The following ITIH1 variants were observed in gnomAD, a reference collection of about 807,000 sequenced individuals.
ITIH1 encodes inter-alpha-trypsin inhibitor heavy chain H1.
A neutral mutation model predicts 104.6 loss-of-function variants in ITIH1; 94 were observed. The ratio of observed to expected loss-of-function variants is 0.90; its 90% CI spans 0.76 to 1.07. The LOEUF is 1.07. ITIH1 is among the 50% of genes least tolerant of loss of function. The pLI is 0.00. For missense variants in ITIH1, 1,193 were observed against 1,181.4 expected, an observed-to-expected ratio of 1.01 and a Z score of -0.14; for synonymous variants, 455 against 464.4, an observed-to-expected ratio of 0.98 and a Z score of 0.26.
chr3:52,778,256 A>T (rs1698951483), intron 2 of ITIH1, 84 bp from the exon 3 acceptor site: 8 of 1,387,370 alleles, frequency 5.8e-6, no homozygotes, highest in Non-Finnish European at 7.1e-6. Flanking sequence ...CACTGGGGCT[A>T]AGTGCCAAGT....
rs1698968365 is a variant in ITIH1 at position 52,778,808 on chromosome 3, C to T, written c.306-134C>T. 5.8e-6 allele frequency: 6 copies of T among 1,038,538 alleles called. No homozygotes were observed. The South Asian group carries it at 8.9e-5, about 15-fold the overall frequency. 64.3% of individuals were successfully genotyped at this position (1,038,538 alleles called of 1,614,324 possible). A position where few individuals can be genotyped will look rare whatever the true frequency, so the allele number is the denominator to read the frequency against. On this transcript the variant is annotated intron_variant, in intron 3 of 21. Transcript: ENST00000273283. ...CTGCTCACCTCATTGCCCATGGACC[C>T]CTGAGTTCCACCATGGGCAGTGGAA...
chr3:52,791,723 T>G (rs1002006304), intron 21 of ITIH1, 59 bp from the exon 22 acceptor site: 6 of 1,606,106 alleles, frequency 3.7e-6, no homozygotes, highest in Admixed American at 1.7e-5. Context: ...GTGAGCTTCC[T>G]GGGGAGGTGC....
chr3:52,783,274 G>T lies in ITIH1; in HGVS notation c.1160G>T (p.Ser387Ile). The T allele has an allele frequency of 6.2e-7, 1 of 1,614,158 alleles. No individual in the cohort carries two copies. Among genetic ancestry groups the T allele is most frequent in the Non-Finnish European group, 8.5e-7 (1 of 1,180,026 alleles). Residue 387 changes from serine to isoleucine, a missense_variant, in exon 10 of 22, where the codon AGC (serine) becomes ATC (isoleucine). Ser to Ile is a moderately radical substitution (Grantham distance 142, BLOSUM62 -2). Coordinates refer to ENST00000273283, the MANE Select transcript of ITIH1 (RefSeq NM_002215.4). ...GIEILNQVQESLPELSNHASI... is the reference protein window; with the variant it reads ...GIEILNQVQEILPELSNHASI... ...GAGATCTTGAACCAAGTTCAGGAAA[G>T]CCTCCCAGAACTCAGCAACCATGCC...
Position 52,783,061 on chromosome 3 carries a change from G to A in ITIH1, c.1035G>A (p.Val345=), listed in dbSNP as rs1306493957. The A allele has an allele frequency of 8.1e-6, 13 of 1,613,980 alleles. No individual in the cohort carries two copies. The highest frequency in any genetic ancestry group is 1.3e-5 in the African/African-American group (1 of 74,902). ...TRVQSWKGSL[V]QASEANLQAA... ...TACAATCGTGGAAGGGCTCGCTGGT[G>A]CAAGCATCTGAGGCCAACCTACAAG... Residue 345 remains valine, a synonymous_variant, in exon 9 of 22, where the codon GTG becomes GTA. Transcript: ENST00000273283.
Position 52,783,222 on chromosome 3 carries a change from C to T in ITIH1, c.1108C>T (p.Leu370=). 2 of 1,614,110 alleles carry T rather than the reference C, an allele frequency of 1.2e-6. No homozygotes were observed. Among genetic ancestry groups the T allele is most frequent in the Non-Finnish European group, 1.7e-6 (2 of 1,180,026 alleles). The change falls in exon 10 of 22, where the codon CTG becomes TTG. Residue 370 remains leucine, a synonymous_variant. Transcript: ENST00000273283. ...CTTTCTCTTCCTTGCAGCCACAAAC[C>T]TGAATGGAGGTTTGCTCCGGGGAAT... ...RGFSLDEATN[L]NGGLLRGIEI... is the part of the protein sequence containing the mutation.
chr3:52,777,704 C>T lies in ITIH1; in HGVS notation c.89C>T (p.Ser30Leu), dbSNP rs200000763. ...LILQAMPALG[S>L]ATGRSKSSEK... ...CTGCAGGCCATGCCTGCCCTGGGCT[C>T]GGCTACAGGCAGGTCCAAGAGCAGC... is the stretch of plus-strand genomic sequence containing the variant. The change falls in exon 1 of 22, where the codon TCG becomes TTG. Residue 30 changes from serine (S) to leucine (L), a missense_variant. Physicochemically the swap from Ser to Leu is moderately radical, Grantham distance 145. Transcript: ENST00000273283. 21 of 1,598,854 alleles carry T rather than the reference C, an allele frequency of 1.3e-5. No homozygotes were observed. In the East Asian group the frequency reaches 2.0e-4, roughly 15 times the overall value.
intron 17 of ITIH1, 23 bp from the exon 18 acceptor site, chr3:52,788,209 C>A (rs746020073): frequency 6.3e-7 from 1 of 1,577,488 alleles, no homozygotes; most frequent in East Asian, 2.2e-5. Flanking sequence ...TCCAATCTAA[C>A]GAATTCCATG....
intron 18 of ITIH1, among the ~76,000 whole-genome samples, chr3:52,788,705 C>T (rs754546734): frequency 1.3e-4 from 20 of 152,122 alleles, no homozygotes; most frequent in South Asian, 2.1e-4. Context: ...GGACTACAGG[C>T]GCATGCCACC....
intron 3 of ITIH1, 73 bp downstream of exon 3, chr3:52,778,579 C>A: frequency 6.3e-7 from 1 of 1,593,690 alleles, no homozygotes; most frequent in South Asian, 1.1e-5. Context: ...GAACAAGGAT[C>A]GGAGTGGCCA....
At chr3:52,781,703 T>C (rs989624385) in intron 6 of ITIH1, among the ~76,000 whole-genome samples, 3 of 152,194 alleles carry the variant, frequency 2.0e-5, no homozygotes, top group African/African-American at 7.2e-5. Context: ...AGTGATGATG[T>C]TCATTGTAGA....
In ITIH1 at chr3:52,791,569, T is replaced by C. The variant is rs9324; in HGVS notation, c.2547T>C (p.Ser849=). The part of the protein sequence containing the change: ...GFEVSDIHPG[S]DPTKPDATMV... ...AAGTGTCTGACATCCACCCAGGCTC[T>C]GACCCCACAAAGCCAGATGCCACGA... Residue 849 remains serine, a synonymous_variant, in exon 21 of 22, where the codon TCT becomes TCC. Transcript: ENST00000273283. 583,622 of 1,613,546 alleles carry C rather than the reference T, an allele frequency of 0.36. 109,559 individuals are homozygous for C. The highest frequency in any genetic ancestry group is 0.53 in the African/African-American group (39,822 of 74,922).
intron 19 of ITIH1, 61 bp downstream of exon 19, chr3:52,789,915 C>T: frequency 6.5e-7 from 1 of 1,543,946 alleles, no homozygotes; most frequent in Non-Finnish European, 8.9e-7. Flanking sequence ...CAGGACTCTG[C>T]TGAGTCTGCA....
chr3:52,791,085 C>G (rs775969670), intron 20 of ITIH1, among the ~76,000 whole-genome samples, 164 bp downstream of exon 20: 4 of 152,172 alleles, frequency 2.6e-5, no homozygotes, highest in Non-Finnish European at 5.9e-5. Flanking sequence ...GTTGGTGAGG[C>G]TGTGAGCAAA....
At chr3:52,786,243 A>G (rs2154108558) in intron 12 of ITIH1, 52 bp from the exon 13 acceptor site, 1 of 1,542,516 alleles carries the variant, frequency 6.5e-7, no homozygotes, top group Non-Finnish European at 8.8e-7. Flanking sequence ...AGCACCAGCC[A>G]GGGGCCGTGC....
At chr3:52,782,361 AT>A in intron 8 of ITIH1, 94 bp downstream of exon 8, 1 of 966,052 alleles carries the variant, frequency 1.0e-6, no homozygotes, top group Non-Finnish European at 1.6e-6. Flanking sequence ...CTGGTTTGGG[AT>A]TTATCCTCCT....
intron 8 of ITIH1, 24 bp from the exon 9 acceptor site, chr3:52,782,933 C>T: frequency 5.0e-6 from 8 of 1,613,028 alleles, no homozygotes; most frequent in Non-Finnish European, 6.8e-6. Context: ...CCCTGTCTGT[C>T]TACTGACTGT....
intron 16 of ITIH1, 47 bp downstream of exon 16, chr3:52,787,659 T>G (rs1283348958): frequency 4.4e-6 from 7 of 1,601,760 alleles, no homozygotes; most frequent in Non-Finnish European, 6.0e-6. Context: ...CCCTCCTTGA[T>G]GATCACCCCG....
chr3:52,778,507 G>GT lies in ITIH1; in HGVS notation c.305+2dup, dbSNP rs1384452914. ...CAGCATTCATCAGTGACTTTGCCGT[G>GT]TGCGTGCCTGCCCAACTCCCATGCC... On this transcript the variant is annotated splice_donor_variant, in intron 3 of 21. Transcript: ENST00000273283. LOFTEE classifies it high-confidence loss of function. 1 of 1,614,046 alleles carries GT rather than the reference G, an allele frequency of 6.2e-7. No individual in the cohort carries two copies. Among genetic ancestry groups the GT allele is most frequent in the African/African-American group, 1.3e-5 (1 of 74,952 alleles).
rs777161344 is a variant in ITIH1 at position 52,783,237 on chromosome 3, C to T, written c.1123C>T (p.Leu375Phe). Residue 375 changes from leucine to phenylalanine, a missense_variant, in exon 10 of 22, where the codon CTC becomes TTC. By Grantham distance (22) the Leu-to-Phe change is conservative. Transcript: ENST00000273283. ...AGCCACAAACCTGAATGGAGGTTTG[C>T]TCCGGGGAATTGAGATCTTGAACCA... ...DEATNLNGGL[L>F]RGIEILNQVQ... The T allele has an allele frequency of 1.9e-6, 3 of 1,614,118 alleles. No individual in the cohort carries two copies. Among genetic ancestry groups the T allele is most frequent in the East Asian group, 2.2e-5 (1 of 44,882 alleles).
Sources: gnomAD v4.1 joint callset for allele counts (sites outside exome capture counted in the v4.1 genomes callset) on GRCh38, gnomAD v4.1.1 for gene constraint, MANE v1.5 for transcripts, NCBI Gene and HGNC (gene_info 2026-07-23, HGNC 2026-07-21) for gene names.